NKAIN2: variants seen among roughly 807,000 people sequenced by gnomAD.
NKAIN2 encodes sodium/potassium-transporting ATPase subunit beta-1-interacting protein 2.
NKAIN2 carries 14 observed loss-of-function variants against 32.6 expected under a neutral mutation model. The ratio of observed to expected loss-of-function variants is 0.43; its 90% CI spans 0.28 to 0.67. The LOEUF is 0.67. Among genes scored for constraint, NKAIN2 ranks in the 30% least tolerant of loss-of-function variants. The pLI is 0.17. For missense variants in NKAIN2, 198 were observed against 258.3 expected (o/e 0.77, Z 1.60); for synonymous variants, 80 against 87.2 (o/e 0.92, Z 0.46).
chr6:124,096,015 G>T (rs1784633151), intron 1 of NKAIN2, among the ~76,000 whole-genome samples: 3 of 152,108 alleles, frequency 2.0e-5, no homozygotes. Flanking sequence ...TAAACAAGAA[G>T]CAAAGACTAG....
intron 4 of NKAIN2, among the ~76,000 whole-genome samples, chr6:124,698,525 A>G (rs1218345463): frequency 2.0e-5 from 3 of 152,170 alleles, no homozygotes; most frequent in African/African-American, 7.2e-5. Context: ...TAACATAACA[A>G]TGACATAGCA....
At chr6:124,383,291 T>C (rs1376913237) in intron 3 of NKAIN2, among the ~76,000 whole-genome samples, 1 of 152,122 alleles carries the variant, frequency 6.6e-6, no homozygotes, top group Admixed American at 6.6e-5. Context: ...CAAACCATCT[T>C]CCCAGAGTTT....
At chr6:124,643,992 T>TCATTTTGGCAGTGCAATA (rs1185885396) in intron 3 of NKAIN2, among the ~76,000 whole-genome samples, 1 of 152,202 alleles carries the variant, frequency 6.6e-6, no homozygotes, top group Non-Finnish European at 1.5e-5. Flanking sequence ...GTCATTAGTA[T>TCATTTTGGCAGTGCAATA]CATTTTCTCA....
At chr6:124,062,618 A>G (rs113349655) in intron 1 of NKAIN2, among the ~76,000 whole-genome samples, 1,843 of 152,164 alleles carry the variant, frequency 0.012, 15 homozygotes, top group Non-Finnish European at 0.017. Context: ...TTGTAGAGAC[A>G]GGGTATTGCC....
At chr6:124,298,420 T>C (rs955479189) in intron 2 of NKAIN2, among the ~76,000 whole-genome samples, 1 of 152,172 alleles carries the variant, frequency 6.6e-6, no homozygotes, top group African/African-American at 2.4e-5. Context: ...TGATTCGAAT[T>C]ACTAGGAATG....
intron 3 of NKAIN2, among the ~76,000 whole-genome samples, chr6:124,431,131 C>T (rs1583241318): frequency 2.0e-5 from 3 of 152,130 alleles, no homozygotes; most frequent in Admixed American, 2.0e-4. Flanking sequence ...AGTGGGATTG[C>T]GATGCCCATT....
chr6:123,814,512 A>G (rs1773610966), intron 1 of NKAIN2, among the ~76,000 whole-genome samples: 1 of 152,226 alleles, frequency 6.6e-6, no homozygotes. Flanking sequence ...ACATTTAATT[A>G]TATTCCTCTT....
chr6:124,191,639 A>C (rs1004956720), intron 1 of NKAIN2, among the ~76,000 whole-genome samples: 1 of 152,080 alleles, frequency 6.6e-6, no homozygotes, highest in African/African-American at 2.4e-5. Context: ...TACAATGTAA[A>C]TAGATATAAT....
intron 3 of NKAIN2, among the ~76,000 whole-genome samples, chr6:124,479,390 G>A: frequency 6.6e-6 from 1 of 152,056 alleles, no homozygotes. Context: ...AAAACCTTTT[G>A]GTAAATGTCA....
chr6:124,012,091 A>T (rs1440192276), intron 1 of NKAIN2, among the ~76,000 whole-genome samples: 1 of 152,140 alleles, frequency 6.6e-6, no homozygotes, highest in Non-Finnish European at 1.5e-5. Flanking sequence ...TAATTAAAGT[A>T]CACCATGTTG....
intron 1 of NKAIN2, among the ~76,000 whole-genome samples, chr6:123,974,847 C>T (rs1169772193): frequency 1.3e-5 from 2 of 152,160 alleles, no homozygotes; most frequent in African/African-American, 4.8e-5. Flanking sequence ...GTCTGCACAA[C>T]TCTTATTAAC....
intron 1 of NKAIN2, among the ~76,000 whole-genome samples, chr6:124,143,322 T>A (rs966492481): frequency 1.2e-4 from 19 of 152,084 alleles, no homozygotes; most frequent in African/African-American, 4.6e-4. Context: ...TGGCAAGGCA[T>A]AGTGTGCACA....
At chr6:124,431,634 C>T (rs1053288167) in intron 3 of NKAIN2, among the ~76,000 whole-genome samples, 1 of 152,076 alleles carries the variant, frequency 6.6e-6, no homozygotes, top group Non-Finnish European at 1.5e-5. Flanking sequence ...GATGATATAA[C>T]ATCTATGGAA....
chr6:124,549,792 T>C (rs1277797933), intron 3 of NKAIN2, among the ~76,000 whole-genome samples: 1 of 152,214 alleles, frequency 6.6e-6, no homozygotes, highest in Non-Finnish European at 1.5e-5. Context: ...GTATATGTTA[T>C]TGAAAAGGAT....
chr6:123,977,026 T>C (rs1778675876), intron 1 of NKAIN2, among the ~76,000 whole-genome samples: 2 of 152,316 alleles, frequency 1.3e-5, no homozygotes, highest in Middle Eastern at 6.8e-3. Flanking sequence ...AGTCCGCTTA[T>C]TGCCTGGGCT....
chr6:124,413,047 A>T (rs1463148794), intron 3 of NKAIN2, among the ~76,000 whole-genome samples: 1 of 152,058 alleles, frequency 6.6e-6, no homozygotes, highest in Non-Finnish European at 1.5e-5. Flanking sequence ...AGTGGGAGTG[A>T]CCCGATTTTC....
At chr6:123,898,589 G>A (rs1038079116) in intron 1 of NKAIN2, among the ~76,000 whole-genome samples, 8 of 144,464 alleles carry the variant, frequency 5.5e-5, no homozygotes, top group Admixed American at 1.4e-4. Context: ...ATCTAATTCC[G>A]TGCTTTGTCC....
At chr6:124,726,854 G>A (rs564314242) in intron 4 of NKAIN2, among the ~76,000 whole-genome samples, 6 of 126,218 alleles carry the variant, frequency 4.8e-5, no homozygotes, top group South Asian at 2.8e-4. Context: ...ATACAGAGAA[G>A]TGCTTAAAGG....
chr6:124,113,115 C>T (rs1037259775), intron 1 of NKAIN2, among the ~76,000 whole-genome samples: 6 of 152,034 alleles, frequency 3.9e-5, no homozygotes, highest in Non-Finnish European at 7.4e-5. Context: ...GCACATTAGA[C>T]AAAGCAGACA....
Sources: gnomAD v4.1 joint callset for allele counts (sites outside exome capture counted in the v4.1 genomes callset) on GRCh38, gnomAD v4.1.1 for gene constraint, MANE v1.5 for transcripts, NCBI Gene and HGNC (gene_info 2026-07-23, HGNC 2026-07-21) for gene names.